Variants in CNPY3 observed in about 807,000 individuals in gnomAD.
CNPY3 encodes the protein canopy FGF signaling regulator 3, also known as protein canopy homolog 3.
Under a neutral mutation model 32.0 loss-of-function variants are expected in CNPY3, and 20 were observed. The observed-to-expected ratio is 0.63, with a 90% CI of 0.44 to 0.91. CNPY3 has a LOEUF of 0.91. CNPY3 is among the 40% of genes least tolerant of loss of function. CNPY3 has a pLI of 0.00. For missense variants in CNPY3, 299 were observed against 340.8 expected (o/e 0.88, Z 0.97); for synonymous variants, 138 against 142.9 (o/e 0.97, Z 0.24).
chr6:42,929,959 G>T (rs1023370512), intron 1 of CNPY3, among the ~76,000 whole-genome samples: 2 of 152,086 alleles, frequency 1.3e-5, no homozygotes, highest in Non-Finnish European at 2.9e-5. Context: ...CATGATAGGG[G>T]AGGTACAGAG....
intron 1 of CNPY3, among the ~76,000 whole-genome samples, chr6:42,932,268 G>C (rs1767884783): frequency 6.6e-6 from 1 of 152,150 alleles, no homozygotes; most frequent in Non-Finnish European, 1.5e-5. Flanking sequence ...CCAACCGTTA[G>C]GTTCATCTTA....
intron 3 of CNPY3, among the ~76,000 whole-genome samples, chr6:42,936,683 C>T (rs908506090): frequency 1.3e-5 from 2 of 151,988 alleles, no homozygotes; most frequent in Admixed American, 1.3e-4. Context: ...TTACAGGCAC[C>T]GACCACCACG....
In CNPY3 at chr6:42,938,009, G is replaced by A. The variant is rs183426089; in HGVS notation, c.496-81G>A. On this transcript the variant is annotated intron_variant, in intron 4 of 5. Coordinates refer to ENST00000372836, the MANE Select transcript of CNPY3 (RefSeq NM_006586.5). ...CCGCTGCCACTGCCTACCTTGCAGT[G>A]GGTTGCGAGGCTTAGCTGAGCTCCT... is the stretch of plus-strand genomic sequence containing the variant. 34 of 1,465,610 alleles carry A rather than the reference G, an allele frequency of 2.3e-5. No individual in the cohort carries two copies. The Admixed American group carries it at 4.7e-4, about 20-fold the overall frequency. The allele number at this position is 1,465,610 out of a possible 1,614,324, so 90.8% of individuals were successfully genotyped here. A position where few individuals can be genotyped will look rare whatever the true frequency, so the allele number is the denominator to read the frequency against.
At chr6:42,937,615 T>A in intron 3 of CNPY3, 102 bp from the exon 4 acceptor site, 2 of 1,237,284 alleles carry the variant, frequency 1.6e-6, no homozygotes, top group Non-Finnish European at 2.3e-6. Flanking sequence ...TTAGAGGGCG[T>A]TGAGCATTGG....
intron 3 of CNPY3, among the ~76,000 whole-genome samples, chr6:42,936,366 G>A (rs1402445238): frequency 1.3e-5 from 2 of 152,132 alleles, no homozygotes; most frequent in African/African-American, 2.4e-5. Context: ...TTAATAAAAA[G>A]TGTTTAAGAA....
Position 42,934,498 on chromosome 6 carries a change from C to G in CNPY3, c.175C>G (p.Leu59Val). The change falls in exon 2 of 6, where the codon CTG (leucine) becomes GTG (valine). Residue 59 changes from leucine to valine, a missense_variant. Coordinates refer to ENST00000372836, the MANE Select transcript of CNPY3 (RefSeq NM_006586.5). ...AGTGTGTAAATATGTTGCTGTGGAG[C>G]TGAAGTCAGCCTTTGAGGAAACCGG... ...CEVCKYVAVE[L>V]KSAFEETGKT... 6.2e-7 allele frequency: 1 copy of G among 1,614,062 alleles called. No individual in the cohort carries two copies. Among genetic ancestry groups the G allele is most frequent in the Non-Finnish European group, 8.5e-7 (1 of 1,179,996 alleles).
At chr6:42,936,298 G>A (rs191700850) in intron 3 of CNPY3, among the ~76,000 whole-genome samples, 63 of 152,288 alleles carry the variant, frequency 4.1e-4, no homozygotes, top group Middle Eastern at 3.4e-3. Context: ...TAAGGGAATA[G>A]TCTCAAGCAG....
At chr6:42,930,676 C>T (rs191422912) in intron 1 of CNPY3, among the ~76,000 whole-genome samples, 2 of 152,258 alleles carry the variant, frequency 1.3e-5, no homozygotes, top group East Asian at 3.9e-4. Flanking sequence ...CCCAGGGCCC[C>T]CAGAAAGTTG....
In CNPY3 at chr6:42,935,119, C is replaced by T. The variant is rs369918567; in HGVS notation, c.276-455C>T. Among the ~76,000 whole-genome samples, 450 of 152,260 alleles carry T rather than the reference C, an allele frequency of 3.0e-3. 1 individual carries two copies. The highest frequency in any genetic ancestry group is 9.9e-3 in the African/African-American group (412 of 41,562). On this transcript the variant is annotated intron_variant, in intron 2 of 5. Coordinates refer to ENST00000372836, the MANE Select transcript of CNPY3 (RefSeq NM_006586.5). ...CTGACCTGAGATGATCCGCCTGCCT[C>T]GGCCTCCCAAAGTGCTGGGATTACA... is the stretch of plus-strand genomic sequence containing the variant.
At chr6:42,938,020 C>T in intron 4 of CNPY3, 70 bp from the exon 5 acceptor site, 1 of 1,498,800 alleles carries the variant, frequency 6.7e-7, no homozygotes, top group Non-Finnish European at 9.3e-7. Context: ...GGTTGCGAGG[C>T]TTAGCTGAGC....
At chr6:42,929,257 G>C (rs2234184), upstream of CNPY3, 3 of 303,752 alleles carry the variant, frequency 9.9e-6, no homozygotes, top group Non-Finnish European at 1.8e-5. Flanking sequence ...CCTCCGTTAG[G>C]GGGTGGGAAA....
intron 1 of CNPY3, among the ~76,000 whole-genome samples, chr6:42,930,661 G>A (rs1382064594): frequency 6.6e-6 from 1 of 152,068 alleles, no homozygotes; most frequent in Non-Finnish European, 1.5e-5. Context: ...TCCTAGCCCC[G>A]TAACCCCAGG....
Position 42,929,619 on chromosome 6 carries a change from TTGCTGCTGCTGCTGC to T in CNPY3, c.62_76del (p.Leu21_Leu25del), listed in dbSNP as rs570105218. The T allele has an allele frequency of 2.4e-5, 37 of 1,560,468 alleles. No individual in the cohort carries two copies. Among genetic ancestry groups the T allele is most frequent in the South Asian group, 1.6e-4 (14 of 85,312 alleles). On this transcript the variant is annotated inframe_deletion, in exon 1 of 6. Coordinates refer to ENST00000372836, the MANE Select transcript of CNPY3 (RefSeq NM_006586.5). Reference sequence around the variant, plus strand: ...GTCCCGCTGTCTTCTGCTTCTTCCCTTGCTGCTGCTGCTGCTGCTGCTGCTGCCGGCCCCGGAGCT... The same window carrying T: ...GTCCCGCTGTCTTCTGCTTCTTCCCTTGCTGCTGCTGCCGGCCCCGGAGCT...
chr6:42,930,440 C>G (rs908201038), intron 1 of CNPY3, among the ~76,000 whole-genome samples: 1 of 152,008 alleles, frequency 6.6e-6, no homozygotes, highest in Non-Finnish European at 1.5e-5. Flanking sequence ...ATCTGAGGAG[C>G]CCTTTGGGGG....
chr6:42,930,159 CTGCCGGCTGAGAAGCTAAGA>C (rs1305730613), intron 1 of CNPY3, among the ~76,000 whole-genome samples: 2 of 152,134 alleles, frequency 1.3e-5, no homozygotes, highest in Non-Finnish European at 1.5e-5. Flanking sequence ...AGGCAGAGGC[CTGCCGGCTGAGAAGCTAAGA>C]ACGAGTTTGA....
intron 2 of CNPY3, 108 bp from the exon 3 acceptor site, chr6:42,935,466 T>G: frequency 7.0e-7 from 1 of 1,428,964 alleles, no homozygotes; most frequent in Non-Finnish European, 9.3e-7. Context: ...CTGAGTCACT[T>G]CCCATTGGTG....
Position 42,938,986 on chromosome 6 carries a change from C to A in CNPY3, c.*195C>A. The A allele has an allele frequency of 1.5e-6, 2 of 1,366,716 alleles. No homozygotes were observed. The highest frequency in any genetic ancestry group is 5.4e-5 in the East Asian group (2 of 37,022). The allele number at this position is 1,366,716 out of a possible 1,614,324, so 84.7% of individuals were successfully genotyped here. A position where few individuals can be genotyped will look rare whatever the true frequency, so the allele number is the denominator to read the frequency against. ...TGGGTAGCCCACGCCGTCCTTTCCC[C>A]TCCCCAAGTGTTTCTCTCCTGACCC... On this transcript the variant is annotated 3_prime_UTR_variant, in exon 6 of 6. Transcript: ENST00000372836.
upstream of CNPY3, among the ~76,000 whole-genome samples, chr6:42,928,344 A>C (rs991604426): frequency 1.3e-5 from 2 of 150,380 alleles, no homozygotes; most frequent in African/African-American, 4.9e-5. Context: ...GTGTCTCGCT[A>C]TGTTGACCAG....
At chr6:42,936,546 G>A (rs1324682038) in intron 3 of CNPY3, among the ~76,000 whole-genome samples, 1 of 152,056 alleles carries the variant, frequency 6.6e-6, no homozygotes, top group Non-Finnish European at 1.5e-5. Context: ...GTGTTTGTTT[G>A]TTTTGGAGAC....
Sources: allele counts gnomAD v4.1 joint callset (sites outside exome capture counted in the v4.1 genomes callset), GRCh38; gene constraint gnomAD v4.1.1; transcripts MANE v1.5; gene names NCBI Gene and HGNC (gene_info 2026-07-23, HGNC 2026-07-21).